The following TTC39B variants were observed in gnomAD, a reference collection of about 807,000 sequenced individuals.
The protein encoded by TTC39B is tetratricopeptide repeat protein 39B.
In TTC39B, 92 loss-of-function variants were observed where a neutral mutation model predicts 96.6. That is an observed-to-expected ratio of 0.95 (90% CI 0.80 to 1.13). TTC39B has a LOEUF of 1.13. Among genes scored for constraint, TTC39B ranks in the 50% most tolerant of loss-of-function variants. The pLI, the probability that TTC39B is intolerant of heterozygous loss-of-function variation, is 0.00. For missense variants in TTC39B, 955 were observed against 809.3 expected (o/e 1.18, Z -2.18); for synonymous variants, 367 against 299.4 (o/e 1.23, Z -2.33).
intron 1 of TTC39B, among the ~76,000 whole-genome samples, chr9:15,298,878 A>G (rs1342801643): frequency 6.6e-6 from 1 of 152,060 alleles, no homozygotes; most frequent in Non-Finnish European, 1.5e-5. Context: ...TTATCCCGCT[A>G]TTCCCTCTCC....
Position 15,166,979 on chromosome 9 carries a change from A to ATT in TTC39B, c.*5038_*5039dup, listed in dbSNP as rs1371714154. On this transcript the variant is annotated 3_prime_UTR_variant, in exon 20 of 20. Transcript: ENST00000512701. ...GGGTAACATGTGTCCACAAACCTTT[A>ATT]TTTTATATATATATATATATATATA... 3.6e-3 allele frequency: 119 copies of ATT among 33,426 alleles called. 3 individuals are homozygous for ATT. The highest frequency in any genetic ancestry group is 0.012 in the East Asian group (11 of 906). The allele number at this position is 33,426 out of a possible 1,614,324, so 2.1% of individuals were successfully genotyped here.
intron 2 of TTC39B, among the ~76,000 whole-genome samples, chr9:15,231,459 G>T (rs1314896383): frequency 6.6e-6 from 1 of 152,178 alleles, no homozygotes; most frequent in Non-Finnish European, 1.5e-5. Context: ...ATAATGTTGA[G>T]AATCTTTTTT....
intron 2 of TTC39B, among the ~76,000 whole-genome samples, chr9:15,237,104 C>T (rs1157736417): frequency 2.0e-5 from 3 of 152,134 alleles, no homozygotes; most frequent in Non-Finnish European, 4.4e-5. Context: ...CACCTGATGT[C>T]AGGAGTTTGA....
intron 1 of TTC39B, among the ~76,000 whole-genome samples, chr9:15,289,987 C>G (rs1025055686): frequency 6.6e-6 from 1 of 152,134 alleles, no homozygotes; most frequent in South Asian, 2.1e-4. Flanking sequence ...CAAAAGCACC[C>G]GTGCTCTCCC....
chr9:15,296,298 T>C (rs1824372859), intron 1 of TTC39B, among the ~76,000 whole-genome samples: 1 of 152,238 alleles, frequency 6.6e-6, no homozygotes, highest in South Asian at 2.1e-4. Flanking sequence ...TGACCTTGTC[T>C]GTCTCCTTAA....
At chr9:15,196,127 A>G (rs1819152544) in intron 8 of TTC39B, among the ~76,000 whole-genome samples, 1 of 152,206 alleles carries the variant, frequency 6.6e-6, no homozygotes, top group South Asian at 2.1e-4. Flanking sequence ...AAAAACATTT[A>G]TTTCAAAGTA....
intron 17 of TTC39B, among the ~76,000 whole-genome samples, chr9:15,178,477 A>G (rs1388324331): frequency 6.6e-6 from 1 of 152,142 alleles, no homozygotes; most frequent in Non-Finnish European, 1.5e-5. Context: ...TCAGAGATAG[A>G]GGCAGGAAGA....
intron 2 of TTC39B, among the ~76,000 whole-genome samples, chr9:15,262,171 T>C (rs1464053442): frequency 6.6e-6 from 1 of 152,218 alleles, no homozygotes; most frequent in African/African-American, 2.4e-5. Flanking sequence ...CAATCTCAGC[T>C]CACTGCAACC....
Position 15,189,614 on chromosome 9 carries a change from T to TA in TTC39B, c.1192dup (p.Tyr398LeufsTer13). On this transcript the variant is annotated frameshift_variant, in exon 13 of 20. Coordinates refer to ENST00000512701, the Ensembl canonical transcript of TTC39B. LOFTEE classifies it high-confidence loss of function. ...TTTCAGCAACTCTATTCGGGCATGA[T>TA]AAAACAACACGAGTGAGCCCTGCAG... The TA allele has an allele frequency of 6.2e-7, 1 of 1,614,108 alleles. No homozygotes were observed. The highest frequency in any genetic ancestry group is 8.5e-7 in the Non-Finnish European group (1 of 1,180,010).
chr9:15,211,559 G>A (rs943101642), intron 4 of TTC39B, among the ~76,000 whole-genome samples, 162 bp from the exon 5 acceptor site: 1 of 152,146 alleles, frequency 6.6e-6, no homozygotes, highest in Non-Finnish European at 1.5e-5. Context: ...AAAAACTCAA[G>A]TACCAAGGAC....
chr9:15,245,614 TACTA>T (rs780406725), intron 2 of TTC39B, among the ~76,000 whole-genome samples: 1 of 152,218 alleles, frequency 6.6e-6, no homozygotes, highest in African/African-American at 2.4e-5. Context: ...CTGTCACAAC[TACTA>T]ACTAAGAAAA....
intron 18 of TTC39B, among the ~76,000 whole-genome samples, chr9:15,177,067 C>T (rs1185199566): frequency 6.6e-6 from 1 of 152,188 alleles, no homozygotes; most frequent in African/African-American, 2.4e-5. Context: ...GATGGCAAGT[C>T]TGTTTACTCA....
At chr9:15,189,439 T>C in intron 13 of TTC39B, 135 bp downstream of exon 13, 1 of 843,090 alleles carries the variant, frequency 1.2e-6, no homozygotes, top group East Asian at 2.7e-5. Context: ...GGCTTTTTAC[T>C]TATATATTTT....
intron 1 of TTC39B, among the ~76,000 whole-genome samples, chr9:15,302,262 G>A (rs1204586218): frequency 2.6e-5 from 4 of 151,592 alleles, no homozygotes; most frequent in South Asian, 2.1e-4. Flanking sequence ...GGAGGCAGAC[G>A]TTACAGTGAG....
intron 1 of TTC39B, among the ~76,000 whole-genome samples, chr9:15,277,338 G>A (rs1239271957): frequency 1.3e-5 from 2 of 152,220 alleles, no homozygotes; most frequent in African/African-American, 2.4e-5. Context: ...TGAGGCAGGA[G>A]AATTGCTTGA....
chr9:15,172,551 G>C (rs1817718441), intron 19 of TTC39B, among the ~76,000 whole-genome samples: 1 of 152,088 alleles, frequency 6.6e-6, no homozygotes, highest in Non-Finnish European at 1.5e-5. Context: ...AAAGGCAGCA[G>C]AATTACTTAA....
chr9:15,262,838 T>C (rs1467235550), intron 2 of TTC39B, among the ~76,000 whole-genome samples: 1 of 152,222 alleles, frequency 6.6e-6, no homozygotes, highest in Admixed American at 6.5e-5. Flanking sequence ...ATTGAAGCAC[T>C]TGCTCTCTGC....
At chr9:15,194,558 A>C (rs1819043655) in intron 8 of TTC39B, among the ~76,000 whole-genome samples, 1 of 152,184 alleles carries the variant, frequency 6.6e-6, no homozygotes, top group South Asian at 2.1e-4. Flanking sequence ...GTTTTACTGC[A>C]ATTTGTGGAT....
chr9:15,274,720 AAAACTAACACT>A (rs139724636), intron 1 of TTC39B, among the ~76,000 whole-genome samples: 1,667 of 152,324 alleles, frequency 0.011, 28 homozygotes, highest in African/African-American at 0.038. Context: ...CACCTGAAAA[AAAACTAACACT>A]AAGTTTATCT....
Sources: gnomAD v4.1 joint callset for allele counts (sites outside exome capture counted in the v4.1 genomes callset) on GRCh38, gnomAD v4.1.1 for gene constraint, MANE v1.5 for transcripts, NCBI Gene and HGNC (gene_info 2026-07-23, HGNC 2026-07-21) for gene names.